STXBP6: variants seen among roughly 807,000 people sequenced by gnomAD.
STXBP6 encodes syntaxin-binding protein 6.
Under a neutral mutation model 26.9 loss-of-function variants are expected in STXBP6, and 21 were observed. That is an observed-to-expected ratio of 0.78 (90% CI 0.55 to 1.12). The LOEUF (loss-of-function observed/expected upper bound fraction) is 1.12. STXBP6 is among the 50% of genes most tolerant of loss of function. STXBP6 has a pLI of 0.00. For missense variants in STXBP6, 232 were observed against 257.9 expected (o/e 0.90, Z 0.69); for synonymous variants, 97 against 92.6 (o/e 1.05, Z -0.27).
At chr14:24,973,184 T>G (rs2073949452) in intron 2 of STXBP6, among the ~76,000 whole-genome samples, 2 of 152,144 alleles carry the variant, frequency 1.3e-5, no homozygotes, top group African/African-American at 4.8e-5. Context: ...TGAGGCTACT[T>G]CTTTCTTCCA....
intron 2 of STXBP6, among the ~76,000 whole-genome samples, chr14:24,865,657 A>G (rs1481123968): frequency 6.6e-6 from 1 of 152,174 alleles, no homozygotes; most frequent in Non-Finnish European, 1.5e-5. Context: ...CCAGACTGGA[A>G]AAACCTCAAG....
intron 2 of STXBP6, among the ~76,000 whole-genome samples, chr14:24,955,493 GGACA>G (rs2073312666): frequency 6.6e-6 from 1 of 152,192 alleles, no homozygotes; most frequent in Admixed American, 6.5e-5. Context: ...CTTTGGATAA[GGACA>G]GACAGCTTGG....
At chr14:25,035,084 G>A (rs2075527476) in intron 1 of STXBP6, among the ~76,000 whole-genome samples, 1 of 151,136 alleles carries the variant, frequency 6.6e-6, no homozygotes, top group African/African-American at 2.4e-5. Flanking sequence ...CCAGGAGGCG[G>A]ATGTTGCAGT....
chr14:25,016,593 C>G (rs571625910), intron 1 of STXBP6, among the ~76,000 whole-genome samples: 1 of 152,134 alleles, frequency 6.6e-6, no homozygotes, highest in Non-Finnish European at 1.5e-5. Flanking sequence ...AATTCACATT[C>G]TAGAGAAAGA....
intron 1 of STXBP6, among the ~76,000 whole-genome samples, chr14:25,000,223 T>C (rs2074722104): frequency 6.6e-6 from 1 of 151,944 alleles, no homozygotes; most frequent in Non-Finnish European, 1.5e-5. Context: ...CCACCACGCC[T>C]GGCTAATTTT....
At chr14:24,945,135 A>T (rs2072936807) in intron 2 of STXBP6, among the ~76,000 whole-genome samples, 1 of 52,040 alleles carries the variant, frequency 1.9e-5, no homozygotes, top group Non-Finnish European at 4.9e-5. Context: ...TGAACCAATT[A>T]GGAATTTTTT....
chr14:25,046,826 C>A (rs10137436), intron 1 of STXBP6, among the ~76,000 whole-genome samples: 4,238 of 152,214 alleles, frequency 0.028, 182 homozygotes, highest in African/African-American at 0.096. Flanking sequence ...TGCTTCATTA[C>A]AAGCTAGGTT....
intron 1 of STXBP6, among the ~76,000 whole-genome samples, chr14:25,036,243 A>G (rs144953536): frequency 0.043 from 5,775 of 133,508 alleles, 373 homozygotes; most frequent in African/African-American, 0.15. Flanking sequence ...AAAAAAAAAT[A>G]CAGGTTGTGG....
intron 2 of STXBP6, among the ~76,000 whole-genome samples, chr14:24,882,130 A>G (rs1231567028): frequency 2.6e-5 from 4 of 151,930 alleles, no homozygotes; most frequent in African/African-American, 9.7e-5. Context: ...CTGTAATCCC[A>G]GCACTTTGGG....
intron 1 of STXBP6, among the ~76,000 whole-genome samples, chr14:24,989,124 C>G (rs1415362563): frequency 9.2e-5 from 14 of 152,276 alleles, no homozygotes; most frequent in Non-Finnish European, 1.9e-4. Flanking sequence ...TCGCACCCCC[C>G]ACCATCTCTA....
intron 4 of STXBP6, among the ~76,000 whole-genome samples, chr14:24,842,929 G>A (rs1419833458): frequency 6.6e-6 from 1 of 152,120 alleles, no homozygotes; most frequent in East Asian, 1.9e-4. Context: ...AGCTTTTAAT[G>A]GATAGAGCTG....
intron 5 of STXBP6, chr14:24,816,882 A>G (rs1396180653): frequency 6.6e-6 from 1 of 152,106 alleles, no homozygotes; most frequent in Non-Finnish European, 1.5e-5. Flanking sequence ...ATCCCTCTAC[A>G]GTGCTCATTA....
chr14:25,010,705 G>GT (rs1400146308), intron 1 of STXBP6: 3 of 152,160 alleles, frequency 2.0e-5, no homozygotes, highest in Non-Finnish European at 4.4e-5. Flanking sequence ...TTCCCCAGCT[G>GT]TAAGTTCCAG....
At chr14:24,873,293 A>G (rs1566431817) in intron 2 of STXBP6, among the ~76,000 whole-genome samples, 1 of 138,122 alleles carries the variant, frequency 7.2e-6, no homozygotes, top group Non-Finnish European at 1.6e-5. Context: ...TTACATTTAG[A>G]TAAAAAAAAA....
intron 1 of STXBP6, among the ~76,000 whole-genome samples, chr14:25,001,115 G>C (rs1595290935): frequency 6.6e-6 from 1 of 152,272 alleles, no homozygotes; most frequent in Middle Eastern, 3.4e-3. Context: ...TAAAGACGGA[G>C]GCTTTTTCTC....
At chr14:24,957,616 G>A (rs2073385991) in intron 2 of STXBP6, among the ~76,000 whole-genome samples, 1 of 152,182 alleles carries the variant, frequency 6.6e-6, no homozygotes, top group Non-Finnish European at 1.5e-5. Context: ...CATTTACTAA[G>A]CATTTACTAT....
Position 24,902,397 on chromosome 14 carries a change from G to A in STXBP6, c.155-45240C>T, listed in dbSNP as rs1356007449. On this transcript the variant is annotated intron_variant, in intron 2 of 5. Coordinates refer to ENST00000323944, the MANE Select transcript of STXBP6 (RefSeq NM_001394410.1). ...AGAGTGTATATGGTTGCTATGGACTGAATATTTGTCCCCCACCTCGCTCTC... is the reference window on the plus strand; with the variant it reads ...AGAGTGTATATGGTTGCTATGGACTAAATATTTGTCCCCCACCTCGCTCTC... Among the ~76,000 whole-genome samples the A allele has an allele frequency of 3.4e-4, 52 of 152,166 alleles. 1 individual carries two copies. Among genetic ancestry groups the A allele is most frequent in the Admixed American group, 3.4e-3 (52 of 15,268 alleles).
rs542958435 is a variant in STXBP6, at chr14:25,025,179, T to A, written c.-33+24699A>T. On this transcript the variant is annotated intron_variant, in intron 1 of 5. Transcript: ENST00000323944. Reference sequence around the variant, plus strand: ...TAACTCATGAGAAGGCTTTTTTTTTTAATTTAAATCTAATTATTTTACATT... The same window carrying A: ...TAACTCATGAGAAGGCTTTTTTTTTAAATTTAAATCTAATTATTTTACATT... Among the ~76,000 whole-genome samples, 189 of 152,316 alleles carry A rather than the reference T, an allele frequency of 1.2e-3. 1 individual carries two copies. Among genetic ancestry groups the A allele is most frequent in the South Asian group, 5.0e-3 (24 of 4,828 alleles).
At chr14:24,819,815 T>C (rs1278872247) in intron 4 of STXBP6, among the ~76,000 whole-genome samples, 1 of 152,240 alleles carries the variant, frequency 6.6e-6, no homozygotes. Flanking sequence ...CCTTGGATTC[T>C]GTACCATGGC....
Sources: allele counts gnomAD v4.1 joint callset (sites outside exome capture counted in the v4.1 genomes callset), GRCh38; gene constraint gnomAD v4.1.1; transcripts MANE v1.5; gene names NCBI Gene and HGNC (gene_info 2026-07-23, HGNC 2026-07-21).